Variants in TMPO observed in about 807,000 individuals in gnomAD.
TMPO encodes the protein thymopoietin, also known as LEM domain containing 4.
TMPO carries 22 observed loss-of-function variants against 45.4 expected under a neutral mutation model. The ratio of observed to expected loss-of-function variants is 0.48; its 90% confidence interval spans 0.35 to 0.69. TMPO has a LOEUF of 0.69. Ranked by LOEUF, TMPO falls within the 30% of genes least tolerant of loss-of-function variation. TMPO has a pLI of 0.01. For missense variants in TMPO, 512 were observed against 548.8 expected (o/e 0.93, Z 0.67); for synonymous variants, 241 against 204.1 (o/e 1.18, Z -1.54).
intron 3 of TMPO, chr12:98,535,463 A>C (rs1877513118): frequency 1.0e-6 from 1 of 985,188 alleles, no homozygotes; most frequent in Non-Finnish European, 1.2e-6. Context: ...GGCCATTACC[A>C]CATTCTTAGA....
intron 4 of TMPO, among the ~76,000 whole-genome samples, chr12:98,538,549 C>G (rs1429070083): frequency 6.6e-6 from 1 of 152,098 alleles, no homozygotes; most frequent in Non-Finnish European, 1.5e-5. Flanking sequence ...GACGGGGTTT[C>G]ACCGTGTTGG....
At chr12:98,524,218 T>C (rs1405296927) in intron 1 of TMPO, among the ~76,000 whole-genome samples, 1 of 152,166 alleles carries the variant, frequency 6.6e-6, no homozygotes. Context: ...TACAAACAGA[T>C]TATCTGGCCC....
chr12:98,537,098 AACAATGGT>A (rs1877622107), intron 3 of TMPO, among the ~76,000 whole-genome samples: 1 of 152,184 alleles, frequency 6.6e-6, no homozygotes, highest in South Asian at 2.1e-4. Flanking sequence ...GTATGGACAA[AACAATGGT>A]AACAATTGTG....
intron 2 of TMPO, among the ~76,000 whole-genome samples, chr12:98,530,184 A>G (rs1265713263): frequency 6.6e-6 from 1 of 152,122 alleles, no homozygotes; most frequent in Non-Finnish European, 1.5e-5. Flanking sequence ...TTTAAAAAAA[A>G]AAAAGTAGCC....
rs1331339989 is a variant in TMPO at position 98,549,652 on chromosome 12, A to C, written c.*1794A>C. On this transcript the variant is annotated 3_prime_UTR_variant, in exon 9 of 9. Coordinates refer to ENST00000556029, the MANE Select transcript of TMPO (RefSeq NM_001032283.3). ...TTTACAGTCATTGACCATAAAGCAC[A>C]CTAAAAATGTAAGTTATTTTTAAAT... 5 of 152,238 alleles carry C rather than the reference A, an allele frequency of 3.3e-5. No individual in the cohort carries two copies. The highest frequency in any genetic ancestry group is 5.9e-5 in the Non-Finnish European group (4 of 68,046). The allele number at this position is 152,238 out of a possible 1,614,324, so 9.4% of individuals were successfully genotyped here. A position where few individuals can be genotyped will look rare whatever the true frequency, so the allele number is the denominator to read the frequency against.
Position 98,515,694 on chromosome 12 carries a change from T to C in TMPO, c.-174T>C. ...TAGTTCGGCTCTGGGGTCTTTTGTGTCCGGGTCTGGCTTGGCTTTGTGTCC... is the reference window on the plus strand; with the variant it reads ...TAGTTCGGCTCTGGGGTCTTTTGTGCCCGGGTCTGGCTTGGCTTTGTGTCC... On this transcript the variant is annotated 5_prime_UTR_variant, in exon 1 of 9. Coordinates refer to ENST00000556029, the MANE Select transcript of TMPO (RefSeq NM_001032283.3). 3.6e-6 allele frequency: 5 copies of C among 1,402,140 alleles called. No individual in the cohort carries two copies. The highest frequency in any genetic ancestry group is 4.8e-6 in the Non-Finnish European group (5 of 1,045,056). 86.9% of individuals were successfully genotyped at this position (1,402,140 alleles called of 1,614,324 possible).
At position 98,533,453 on chromosome 12, in the gene TMPO, C is replaced by T; in HGVS notation, c.565+1615C>T. 6.2e-7 allele frequency: 1 copy of T among 1,614,154 alleles called. No individual in the cohort carries two copies. The highest frequency in any genetic ancestry group is 8.5e-7 in the Non-Finnish European group (1 of 1,180,038). ...GGTAGTTTGCCTGGAACTTCTAACT[C>T]TATGCCCCCACTGGATGTAGAAAAC... On this transcript the variant is annotated intron_variant, in intron 3 of 8. Coordinates refer to ENST00000556029, the MANE Select transcript of TMPO (RefSeq NM_001032283.3).
chr12:98,526,717 T>C lies in TMPO; in HGVS notation c.280-1169T>C, dbSNP rs373744367. ...GCTCATGCCTGTAATCCCAGCACTT[T>C]GGGAGGCTGAGGTGGGCAGATAACG... On this transcript the variant is annotated intron_variant, in intron 1 of 8. Coordinates refer to ENST00000556029, the MANE Select transcript of TMPO (RefSeq NM_001032283.3). Among the ~76,000 whole-genome samples the C allele has an allele frequency of 4.5e-4, 68 of 152,266 alleles. No homozygotes were observed. The South Asian group carries it at 0.012, about 28-fold the overall frequency.
chr12:98,530,417 A>G (rs373151532), intron 2 of TMPO, among the ~76,000 whole-genome samples: 3 of 152,278 alleles, frequency 2.0e-5, no homozygotes, highest in African/African-American at 7.2e-5. Flanking sequence ...TTATATGTTG[A>G]TGTATGACCT....
At chr12:98,521,030 T>G (rs2121131131) in intron 1 of TMPO, among the ~76,000 whole-genome samples, 1 of 151,926 alleles carries the variant, frequency 6.6e-6, no homozygotes, top group South Asian at 2.1e-4. Context: ...AATCAAGCAT[T>G]AATGTGGATT....
rs750868936 is a variant in TMPO, at chr12:98,537,505, G to A, written c.596G>A (p.Arg199Lys). Reference sequence around the variant, plus strand: ...AAAATAGAGCTCAAGCTTGAGAAGAGAGAACCACTAAAGGGCAGAGCAAAG... The same window carrying A: ...AAAATAGAGCTCAAGCTTGAGAAGAAAGAACCACTAAAGGGCAGAGCAAAG... Reference protein sequence around the residue: ...DSKIELKLEKREPLKGRAKTP... With the variant: ...DSKIELKLEKKEPLKGRAKTP... The change falls in exon 4 of 9, where the codon AGA (arginine) becomes AAA (lysine). Residue 199 changes from arginine to lysine, a missense_variant. By Grantham distance (26) the Arg-to-Lys change is conservative. Around this residue, in one of 3 missense-constraint regions of TMPO, gnomAD observed 299 missense variants for 296.7 expected, o/e 1.01. Transcript: ENST00000556029. 6.2e-7 allele frequency: 1 copy of A among 1,613,650 alleles called. No homozygotes were observed. The highest frequency in any genetic ancestry group is 8.5e-7 in the Non-Finnish European group (1 of 1,179,788).
At chr12:98,534,901 T>A in intron 3 of TMPO, 2 of 978,888 alleles carry the variant, frequency 2.0e-6, no homozygotes, top group Non-Finnish European at 2.4e-6. Flanking sequence ...AAAGCACCAG[T>A]CTACAAACTG....
intron 1 of TMPO, among the ~76,000 whole-genome samples, chr12:98,517,658 C>T (rs1420972099): frequency 6.6e-6 from 1 of 152,210 alleles, no homozygotes; most frequent in African/African-American, 2.4e-5. Flanking sequence ...TTTTACCAAA[C>T]GTCTTCAGTC....
intron 1 of TMPO, among the ~76,000 whole-genome samples, chr12:98,524,583 A>G (rs372158660): frequency 1.0e-5 from 1 of 95,974 alleles, no homozygotes; most frequent in Non-Finnish European, 2.3e-5. Context: ...CTTGAAAAAG[A>G]AAAAAAAAAA....
Position 98,527,350 on chromosome 12 carries a change from A to C in TMPO, c.280-536A>C, listed in dbSNP as rs1323167926. ...CCCATCTCTACAAAAAAAAAAAAAA[A>C]CAAAAAAAAAAAACCACAGGCAAAA... On this transcript the variant is annotated intron_variant, in intron 1 of 8. Transcript: ENST00000556029. Among the ~76,000 whole-genome samples, 84 of 139,636 alleles carry C rather than the reference A, an allele frequency of 6.0e-4. No individual in the cohort carries two copies. The East Asian group carries it at 0.012, about 19-fold the overall frequency. The allele number at this position is 139,636 out of a possible 152,430, so 91.6% of individuals were successfully genotyped here.
rs767027388 is a variant in TMPO at position 98,533,643 on chromosome 12, A to C, written c.565+1805A>C. ...CCGAACTGATGTCTTCTTTTGCCAAAACTGTTGTCTCTCATTCACTCACTA... is the reference window on the plus strand; with the variant it reads ...CCGAACTGATGTCTTCTTTTGCCAACACTGTTGTCTCTCATTCACTCACTA... On this transcript the variant is annotated intron_variant, in intron 3 of 8. Coordinates refer to ENST00000556029, the MANE Select transcript of TMPO (RefSeq NM_001032283.3). The C allele has an allele frequency of 1.5e-5, 24 of 1,614,146 alleles. No individual in the cohort carries two copies. The highest frequency in any genetic ancestry group is 1.9e-5 in the Non-Finnish European group (23 of 1,180,026).
intron 1 of TMPO, among the ~76,000 whole-genome samples, chr12:98,518,420 G>C (rs1876057795): frequency 6.7e-6 from 1 of 149,614 alleles, no homozygotes; most frequent in Non-Finnish European, 1.5e-5. Context: ...GCTTCCCTGA[G>C]TAGCAAGGGC....
At chr12:98,529,147 A>G (rs796732206) in intron 2 of TMPO, among the ~76,000 whole-genome samples, 7 of 150,086 alleles carry the variant, frequency 4.7e-5, no homozygotes, top group African/African-American at 1.5e-4. Flanking sequence ...TCTGCCTCCC[A>G]GGTTCAAGCA....
Position 98,545,027 on chromosome 12 carries a change from G to C in TMPO, c.956G>C (p.Arg319Thr), listed in dbSNP as rs1878141108. 1 of 1,613,152 alleles carries C rather than the reference G, an allele frequency of 6.2e-7. No individual in the cohort carries two copies. Among genetic ancestry groups the C allele is most frequent in the Non-Finnish European group, 8.5e-7 (1 of 1,179,784 alleles). The change falls in exon 7 of 9, where the codon AGA becomes ACA. Residue 319 changes from arginine (R) to threonine (T), a missense_variant. Coordinates refer to ENST00000556029, the MANE Select transcript of TMPO (RefSeq NM_001032283.3). ...LPITEFSDIPRRAPKKPLTRA... is the reference protein window; with the variant it reads ...LPITEFSDIPTRAPKKPLTRA... ...ATCACTGAATTCTCAGACATACCCAGAAGAGCACCAAAGAAACCATTGACA... is the reference window on the plus strand; with the variant it reads ...ATCACTGAATTCTCAGACATACCCACAAGAGCACCAAAGAAACCATTGACA...
Sources: gnomAD v4.1 joint callset for allele counts (sites outside exome capture counted in the v4.1 genomes callset) on GRCh38, gnomAD v4.1.1 for gene constraint, gnomAD v4.1.1 regional missense constraint, MANE v1.5 for transcripts, NCBI Gene and HGNC (gene_info 2026-07-23, HGNC 2026-07-21) for gene names.